The following DOK6 variants were observed in gnomAD, a reference collection of about 807,000 sequenced individuals.
DOK6 encodes downstream of tyrosine kinase 6.
Under a neutral mutation model 44.0 loss-of-function variants are expected in DOK6, and 22 were observed. The observed-to-expected ratio is 0.50, with a 90% CI of 0.36 to 0.71. The LOEUF is 0.71. DOK6 is among the 30% of genes least tolerant of loss of function. DOK6 has a pLI of 0.00. For missense variants in DOK6, 340 were observed against 416.4 expected, an observed-to-expected ratio of 0.82 and a Z score of 1.60; for synonymous variants, 166 against 145.5, an observed-to-expected ratio of 1.14 and a Z score of -1.01.
intron 1 of DOK6, among the ~76,000 whole-genome samples, chr18:69,429,567 A>G (rs1351325941): frequency 8.1e-6 from 1 of 122,872 alleles, no homozygotes; most frequent in East Asian, 2.8e-4. Context: ...CATTTAATAC[A>G]AACAACATCT....
At chr18:69,487,218 T>C (rs1442972569) in intron 1 of DOK6, among the ~76,000 whole-genome samples, 1 of 148,260 alleles carries the variant, frequency 6.7e-6, no homozygotes, top group African/African-American at 2.5e-5. Context: ...TGTGTGTGTG[T>C]GTGTCTGTCT....
intron 7 of DOK6, among the ~76,000 whole-genome samples, chr18:69,812,570 G>A (rs1310184068): frequency 3.3e-5 from 5 of 152,084 alleles, no homozygotes; most frequent in Non-Finnish European, 7.4e-5. Context: ...TTGAGGGGAT[G>A]CACAGTTGAA....
chr18:69,416,422 A>C (rs1262659953), intron 1 of DOK6, among the ~76,000 whole-genome samples: 3 of 152,152 alleles, frequency 2.0e-5, no homozygotes, highest in Non-Finnish European at 4.4e-5. Context: ...ATTTAATGGA[A>C]TAACTCTCCA....
At chr18:69,672,385 T>A (rs1405984874) in intron 3 of DOK6, among the ~76,000 whole-genome samples, 1 of 152,112 alleles carries the variant, frequency 6.6e-6, no homozygotes. Flanking sequence ...TTTGATGGAG[T>A]TTTGCTCTTG....
At position 69,474,959 on chromosome 18, in the gene DOK6, T is replaced by C. The variant is rs557755255; in HGVS notation, c.66+73649T>C. Among the ~76,000 whole-genome samples, 6 of 152,294 alleles carry C rather than the reference T, an allele frequency of 3.9e-5. No individual in the cohort carries two copies. In the East Asian group the frequency reaches 1.2e-3, roughly 29 times the overall value. ...TCCATTCTAGATACTTAAAAATGAT[T>C]CATATTTAAAATTTATGTTCTTATA... is the stretch of plus-strand genomic sequence containing the variant. On this transcript the variant is annotated intron_variant, in intron 1 of 7. Coordinates refer to ENST00000382713, the MANE Select transcript of DOK6 (RefSeq NM_152721.6).
chr18:69,679,277 T>C (rs75286528), intron 4 of DOK6, among the ~76,000 whole-genome samples: 16,835 of 152,262 alleles, frequency 0.11, 1,217 homozygotes, highest in South Asian at 0.22. Flanking sequence ...TATATTCTCA[T>C]TATTACTAAT....
At chr18:69,727,896 G>C (rs1978318448) in intron 5 of DOK6, among the ~76,000 whole-genome samples, 1 of 152,094 alleles carries the variant, frequency 6.6e-6, no homozygotes, top group Non-Finnish European at 1.5e-5. Context: ...ACTATTTTCT[G>C]CCCCTTCTTC....
intron 6 of DOK6, among the ~76,000 whole-genome samples, chr18:69,746,207 G>C (rs1372046919): frequency 6.6e-6 from 1 of 152,128 alleles, no homozygotes; most frequent in Non-Finnish European, 1.5e-5. Flanking sequence ...CTCAAACTCA[G>C]CTTATTTTCA....
intron 7 of DOK6, among the ~76,000 whole-genome samples, chr18:69,837,168 C>A (rs1321348064): frequency 6.6e-6 from 1 of 152,020 alleles, no homozygotes; most frequent in Non-Finnish European, 1.5e-5. Flanking sequence ...TAACAGAATA[C>A]CACAGACTAG....
At chr18:69,630,676 T>C (rs767837610) in intron 3 of DOK6, among the ~76,000 whole-genome samples, 6 of 152,208 alleles carry the variant, frequency 3.9e-5, no homozygotes, top group Non-Finnish European at 5.9e-5. Flanking sequence ...TTAGTCATTA[T>C]ATTCATTTCT....
intron 1 of DOK6, among the ~76,000 whole-genome samples, chr18:69,416,020 C>G (rs959595954): frequency 6.6e-6 from 1 of 151,472 alleles, no homozygotes; most frequent in South Asian, 2.1e-4. Flanking sequence ...TGTAGCTACT[C>G]CATTTTCTTC....
chr18:69,821,258 C>A (rs760088423), intron 7 of DOK6, among the ~76,000 whole-genome samples: 1 of 152,146 alleles, frequency 6.6e-6, no homozygotes, highest in East Asian at 1.9e-4. Flanking sequence ...CTGCATCACA[C>A]TTCCTATGTG....
intron 3 of DOK6, among the ~76,000 whole-genome samples, chr18:69,670,038 G>C (rs898109936): frequency 6.6e-6 from 1 of 152,026 alleles, no homozygotes; most frequent in East Asian, 1.9e-4. Context: ...GGTCCTCCTC[G>C]GAAGAAAATC....
At chr18:69,668,831 G>T (rs372470324) in intron 3 of DOK6, among the ~76,000 whole-genome samples, 39 of 152,212 alleles carry the variant, frequency 2.6e-4, no homozygotes, top group African/African-American at 9.1e-4. Context: ...AACAAAAAAG[G>T]TTAAAACACA....
intron 1 of DOK6, among the ~76,000 whole-genome samples, chr18:69,439,694 A>G (rs527842136): frequency 1.1e-4 from 16 of 152,100 alleles, no homozygotes; most frequent in Non-Finnish European, 1.8e-4. Flanking sequence ...CTCAGCCTTC[A>G]TGGAATTAGA....
intron 3 of DOK6, among the ~76,000 whole-genome samples, chr18:69,617,580 G>C (rs1364012982): frequency 1.9e-5 from 2 of 102,980 alleles, no homozygotes; most frequent in African/African-American, 6.0e-5. Flanking sequence ...AAGAAAGAAA[G>C]AGAGAGAGAC....
intron 3 of DOK6, 120 bp from the exon 4 acceptor site, chr18:69,677,613 GT>G (rs1188989252): frequency 6.6e-6 from 10 of 1,518,594 alleles, no homozygotes; most frequent in Non-Finnish European, 8.9e-6. Flanking sequence ...GTTTTTTGTT[GT>G]TTTTTTAAAG....
chr18:69,834,366 A>G (rs1018564155), intron 7 of DOK6, among the ~76,000 whole-genome samples: 2 of 151,432 alleles, frequency 1.3e-5, no homozygotes, highest in African/African-American at 4.8e-5. Context: ...TGGTTTCCAG[A>G]GGCTTGGAAG....
chr18:69,512,041 T>C (rs1981379777), intron 1 of DOK6, among the ~76,000 whole-genome samples: 1 of 152,094 alleles, frequency 6.6e-6, no homozygotes, highest in Non-Finnish European at 1.5e-5. Flanking sequence ...GTGTTTCTAG[T>C]GGATTTCAGT....
Sources: allele counts gnomAD v4.1 joint callset (sites outside exome capture counted in the v4.1 genomes callset), GRCh38; gene constraint gnomAD v4.1.1; transcripts MANE v1.5; gene names NCBI Gene and HGNC (gene_info 2026-07-23, HGNC 2026-07-21).